The following DGKB variants were observed in gnomAD, a reference collection of about 807,000 sequenced individuals.
The protein encoded by DGKB is 90 kDa diacylglycerol kinase.
A neutral mutation model predicts 114.3 loss-of-function variants in DGKB; 67 were observed. That is an observed-to-expected ratio of 0.59 (90% CI 0.48 to 0.72). The LOEUF is 0.72. DGKB is among the 30% of genes least tolerant of loss of function. The pLI, the probability that DGKB is intolerant of heterozygous loss-of-function variation, is 0.00. For missense variants in DGKB, 907 were observed against 975.2 expected (o/e 0.93, Z 0.93); for synonymous variants, 398 against 323.1 (o/e 1.23, Z -2.49).
chr7:14,522,800 T>G (rs889826098), intron 20 of DGKB, among the ~76,000 whole-genome samples: 1 of 152,240 alleles, frequency 6.6e-6, no homozygotes, highest in Non-Finnish European at 1.5e-5. Flanking sequence ...CTTCTCACTT[T>G]GTCATGCCTT....
intron 6 of DGKB, among the ~76,000 whole-genome samples, chr7:14,711,257 C>T (rs549658186): frequency 6.6e-6 from 1 of 151,888 alleles, no homozygotes; most frequent in African/African-American, 2.4e-5. Flanking sequence ...GAGTTTTAAG[C>T]TCTAGTTAAT....
intron 2 of DGKB, among the ~76,000 whole-genome samples, chr7:14,772,066 T>C (rs1837504896): frequency 6.6e-6 from 1 of 152,110 alleles, no homozygotes; most frequent in African/African-American, 2.4e-5. Flanking sequence ...GGCTTTGAGC[T>C]GTCCCGCCTT....
chr7:14,244,389 G>A (rs900379580), intron 23 of DGKB, among the ~76,000 whole-genome samples: 10 of 152,174 alleles, frequency 6.6e-5, no homozygotes, highest in South Asian at 4.1e-4. Context: ...GGGCGCGGTG[G>A]CTCACGCCTG....
intron 23 of DGKB, among the ~76,000 whole-genome samples, chr7:14,315,854 C>T (rs1806375005): frequency 6.7e-6 from 1 of 150,196 alleles, no homozygotes. Context: ...CACACCACAC[C>T]TATTCCAAAA....
intron 20 of DGKB, among the ~76,000 whole-genome samples, chr7:14,505,776 C>T (rs1385836924): frequency 1.3e-5 from 2 of 152,136 alleles, no homozygotes; most frequent in South Asian, 2.1e-4. Context: ...GACGCTCAAA[C>T]GCCAGTAATT....
At chr7:14,535,810 C>T (rs1792385914) in intron 20 of DGKB, among the ~76,000 whole-genome samples, 1 of 152,072 alleles carries the variant, frequency 6.6e-6, no homozygotes, top group Non-Finnish European at 1.5e-5. Context: ...TGGTCTCGAA[C>T]TCTTGCCCTC....
rs922477481 is a variant in DGKB at position 14,270,013 on chromosome 7, T to C, written c.2122+68502A>G. On this transcript the variant is annotated intron_variant, in intron 23 of 25. Transcript: ENST00000402815. ...CTCAATTGAGGGTCATTGATTCCTG[T>C]GCCATTCACTAAGTTTATTATAAGG... 3.0e-5 allele frequency among the ~76,000 whole-genome samples: 4 copies of C among 133,166 alleles called. No homozygotes were observed. The East Asian group carries it at 8.8e-4, about 29-fold the overall frequency. 87.4% of individuals were successfully genotyped at this position (133,166 alleles called of 152,430 possible).
chr7:14,915,027 A>G (rs909209192), intron 1 of DGKB, among the ~76,000 whole-genome samples: 1 of 152,150 alleles, frequency 6.6e-6, no homozygotes, highest in Non-Finnish European at 1.5e-5. Flanking sequence ...ACCAAGAATT[A>G]TGGGACAATT....
intron 1 of DGKB, among the ~76,000 whole-genome samples, chr7:14,867,995 T>C (rs1851921927): frequency 6.6e-6 from 1 of 152,148 alleles, no homozygotes; most frequent in South Asian, 2.1e-4. Context: ...CGAAAAGAGA[T>C]ACGGGAACAA....
intron 13 of DGKB, among the ~76,000 whole-genome samples, chr7:14,659,856 A>G (rs928339386): frequency 5.9e-5 from 9 of 151,868 alleles, no homozygotes; most frequent in Non-Finnish European, 1.2e-4. Context: ...TCAGTATGAT[A>G]TTGGCTGTGG....
At chr7:14,743,587 T>C (rs1041854712) in intron 4 of DGKB, among the ~76,000 whole-genome samples, 1 of 152,204 alleles carries the variant, frequency 6.6e-6, no homozygotes, top group Non-Finnish European at 1.5e-5. Flanking sequence ...TAATTTAACA[T>C]GGTTAGGTAC....
chr7:14,580,811 G>T, intron 19 of DGKB, 51 bp downstream of exon 19: 1 of 1,272,850 alleles, frequency 7.9e-7, no homozygotes, highest in East Asian at 2.4e-5. Flanking sequence ...GTTTTGCAAG[G>T]GAAAGGGGTG....
chr7:14,629,551 G>A (rs1260311178), intron 14 of DGKB, among the ~76,000 whole-genome samples: 1 of 151,936 alleles, frequency 6.6e-6, no homozygotes, highest in Non-Finnish European at 1.5e-5. Context: ...CAATTTTAGG[G>A]AAACAATACC....
intron 21 of DGKB, among the ~76,000 whole-genome samples, chr7:14,431,806 T>C (rs1484368062): frequency 2.0e-5 from 3 of 152,106 alleles, no homozygotes; most frequent in African/African-American, 7.2e-5. Context: ...ATGAGATTTT[T>C]CATAAAAAAT....
intron 1 of DGKB, among the ~76,000 whole-genome samples, chr7:14,898,584 AGAAGAG>A (rs1374780500): frequency 3.3e-5 from 5 of 152,136 alleles, no homozygotes; most frequent in Admixed American, 3.3e-4. Flanking sequence ...TTTTTAAACT[AGAAGAG>A]GAAGGGAGCC....
chr7:14,169,690 G>A (rs2128235041), intron 25 of DGKB, among the ~76,000 whole-genome samples: 1 of 152,250 alleles, frequency 6.6e-6, no homozygotes, highest in East Asian at 1.9e-4. Flanking sequence ...AGCTGTGTTG[G>A]TCAGTAGTAA....
intron 9 of DGKB, among the ~76,000 whole-genome samples, chr7:14,685,936 C>T (rs568707371): frequency 6.6e-6 from 1 of 152,118 alleles, no homozygotes; most frequent in South Asian, 2.1e-4. Flanking sequence ...TACTATATTC[C>T]AATTTATATT....
intron 5 of DGKB, among the ~76,000 whole-genome samples, chr7:14,725,185 A>G (rs1356852330): frequency 2.0e-5 from 3 of 152,158 alleles, no homozygotes; most frequent in Non-Finnish European, 4.4e-5. Flanking sequence ...AACAAAAAAC[A>G]GAAAACAAAA....
At chr7:14,806,565 G>A (rs1447183051) in intron 2 of DGKB, among the ~76,000 whole-genome samples, 5 of 151,888 alleles carry the variant, frequency 3.3e-5, no homozygotes, top group South Asian at 4.1e-4. Flanking sequence ...AGATTTTAAC[G>A]TGAAAATATT....
Sources: gnomAD v4.1 joint callset for allele counts (sites outside exome capture counted in the v4.1 genomes callset) on GRCh38, gnomAD v4.1.1 for gene constraint, MANE v1.5 for transcripts, NCBI Gene and HGNC (gene_info 2026-07-23, HGNC 2026-07-21) for gene names.